The following LRRC4C variants were observed in gnomAD, a reference collection of about 807,000 sequenced individuals.
LRRC4C encodes the protein leucine rich repeat containing 4C.
LRRC4C carries 5 observed loss-of-function variants against 33.6 expected under a neutral mutation model. The observed-to-expected ratio is 0.15, with a 90% CI of 0.08 to 0.31. The LOEUF (loss-of-function observed/expected upper bound fraction) is 0.31, where lower values mean the gene tolerates loss of function less well. LRRC4C is among the 10% of genes least tolerant of loss of function. The pLI is 1.00. For synonymous variants in LRRC4C, 329 were observed against 302.0 expected, an observed-to-expected ratio of 1.09 and a Z score of -0.93; for missense variants, 560 against 796.7, an observed-to-expected ratio of 0.70 and a Z score of 3.58.
intron 1 of LRRC4C, among the ~76,000 whole-genome samples, chr11:41,205,657 A>G (rs1946571860): frequency 6.6e-6 from 1 of 152,218 alleles, no homozygotes. Context: ...AAAGAAAAAC[A>G]AACAAACAAC....
intron 2 of LRRC4C, among the ~76,000 whole-genome samples, chr11:40,822,065 T>G (rs2135472823): frequency 6.6e-6 from 1 of 151,860 alleles, no homozygotes; most frequent in South Asian, 2.1e-4. Flanking sequence ...AAATTATTGT[T>G]AATTATGTTT....
intron 2 of LRRC4C, among the ~76,000 whole-genome samples, chr11:40,803,539 C>T (rs891389364): frequency 2.6e-5 from 4 of 152,096 alleles, no homozygotes; most frequent in African/African-American, 9.7e-5. Context: ...TCTTCTCTAT[C>T]TCCCAAACTT....
chr11:40,336,955 G>C (rs564884344), intron 3 of LRRC4C, among the ~76,000 whole-genome samples: 117 of 125,610 alleles, frequency 9.3e-4, no homozygotes, highest in South Asian at 2.5e-3. Flanking sequence ...CCAGCCTGGG[G>C]GACAGAGCGA....
At chr11:40,683,728 A>T (rs764777157) in intron 2 of LRRC4C, among the ~76,000 whole-genome samples, 95 of 152,206 alleles carry the variant, frequency 6.2e-4, no homozygotes, top group Non-Finnish European at 1.2e-3. Flanking sequence ...AGGCAGTGTT[A>T]GGGAAACTGC....
At chr11:40,561,709 G>A (rs1469323243) in intron 3 of LRRC4C, among the ~76,000 whole-genome samples, 9 of 152,088 alleles carry the variant, frequency 5.9e-5, no homozygotes, top group Non-Finnish European at 1.0e-4. Flanking sequence ...ACCGCGCCCG[G>A]CCCGTTGTTG....
chr11:40,238,125 A>G (rs1241052687), intron 5 of LRRC4C, among the ~76,000 whole-genome samples: 1 of 152,170 alleles, frequency 6.6e-6, no homozygotes, highest in African/African-American at 2.4e-5. Context: ...TCTTAAGAGA[A>G]TATCTTCCAA....
intron 2 of LRRC4C, among the ~76,000 whole-genome samples, chr11:40,779,030 G>A (rs1295712681): frequency 2.0e-5 from 3 of 152,170 alleles, no homozygotes; most frequent in Non-Finnish European, 4.4e-5. Flanking sequence ...TGAAAGGCAA[G>A]ATTCAGCAGT....
At chr11:40,545,794 A>T (rs933772826) in intron 3 of LRRC4C, among the ~76,000 whole-genome samples, 1 of 152,034 alleles carries the variant, frequency 6.6e-6, no homozygotes, top group African/African-American at 2.4e-5. Context: ...CAACAAAATT[A>T]TGTCAAAAAA....
chr11:40,550,388 G>C (rs944883019), intron 3 of LRRC4C, among the ~76,000 whole-genome samples: 2 of 152,126 alleles, frequency 1.3e-5, no homozygotes, highest in Non-Finnish European at 2.9e-5. Flanking sequence ...CAACTCTGAT[G>C]TAACTAAAGA....
At chr11:40,403,739 A>G (rs1295085741) in intron 3 of LRRC4C, among the ~76,000 whole-genome samples, 1 of 152,132 alleles carries the variant, frequency 6.6e-6, no homozygotes, top group Admixed American at 6.6e-5. Context: ...CAAAATACTA[A>G]TCAATTAGCA....
chr11:40,692,163 C>T (rs939075444), intron 2 of LRRC4C, among the ~76,000 whole-genome samples: 10 of 151,828 alleles, frequency 6.6e-5, no homozygotes, highest in Non-Finnish European at 1.0e-4. Flanking sequence ...AAAATGAACC[C>T]GAGAGAGATC....
intron 5 of LRRC4C, among the ~76,000 whole-genome samples, chr11:40,194,932 AAAC>A (rs1170735921): frequency 2.0e-5 from 3 of 151,096 alleles, no homozygotes; most frequent in African/African-American, 4.9e-5. Flanking sequence ...ACTTAAAAAA[AAAC>A]AAACAATTAG....
chr11:41,020,351 G>T (rs1223368685), intron 1 of LRRC4C, among the ~76,000 whole-genome samples: 46 of 152,106 alleles, frequency 3.0e-4, no homozygotes, highest in Non-Finnish European at 2.9e-5. Flanking sequence ...TCTGGAATTT[G>T]TGCATATGAT....
rs546330242 is a variant in LRRC4C, at chr11:41,431,966, G to T, written c.-496+27465C>A. 1.2e-4 allele frequency among the ~76,000 whole-genome samples: 18 copies of T among 152,172 alleles called. No individual in the cohort carries two copies. The South Asian group carries it at 3.7e-3, about 32-fold the overall frequency. ...AGGTCTAGGAGTATGTCATCTAAAA[G>T]AACTGCAAAAATGGATTCATTTCCG... is the stretch of plus-strand genomic sequence containing the variant. On this transcript the variant is annotated intron_variant, in intron 1 of 6. Transcript: ENST00000528697.
chr11:40,238,415 G>A (rs1865711372), intron 5 of LRRC4C, among the ~76,000 whole-genome samples: 1 of 152,128 alleles, frequency 6.6e-6, no homozygotes, highest in Non-Finnish European at 1.5e-5. Context: ...TTGATCCTCA[G>A]GTTGCTTTGA....
At chr11:41,015,831 T>C (rs971060391) in intron 1 of LRRC4C, among the ~76,000 whole-genome samples, 1 of 151,982 alleles carries the variant, frequency 6.6e-6, no homozygotes, top group African/African-American at 2.4e-5. Context: ...ATCTCTCCTT[T>C]AAAAACAAGA....
At chr11:40,510,683 T>C (rs890297517) in intron 3 of LRRC4C, among the ~76,000 whole-genome samples, 2 of 152,136 alleles carry the variant, frequency 1.3e-5, no homozygotes, top group Admixed American at 6.6e-5. Flanking sequence ...AAATAGCAAC[T>C]CACAATGTGA....
chr11:41,013,659 C>T (rs964945179), intron 1 of LRRC4C, among the ~76,000 whole-genome samples: 6 of 151,992 alleles, frequency 3.9e-5, no homozygotes, highest in Non-Finnish European at 7.4e-5. Flanking sequence ...CTGAGAAGTC[C>T]AAGATCAAGG....
At chr11:40,838,961 G>T (rs556247743) in intron 2 of LRRC4C, among the ~76,000 whole-genome samples, 13 of 152,134 alleles carry the variant, frequency 8.5e-5, no homozygotes, top group Non-Finnish European at 1.9e-4. Context: ...GAATGATAAT[G>T]AATTGTAATA....
Sources: allele counts gnomAD v4.1 joint callset (sites outside exome capture counted in the v4.1 genomes callset), GRCh38; gene constraint gnomAD v4.1.1; transcripts MANE v1.5; gene names NCBI Gene and HGNC (gene_info 2026-07-23, HGNC 2026-07-21).